CD163: variants seen among roughly 807,000 people sequenced by gnomAD.
The protein encoded by CD163 is CD163 molecule.
CD163 carries 64 observed loss-of-function variants against 129.2 expected under a neutral mutation model. That is an observed-to-expected ratio of 0.50 (90% CI 0.41 to 0.61). The LOEUF (loss-of-function observed/expected upper bound fraction) is 0.61. CD163 is among the 20% of genes least tolerant of loss of function. The pLI is 0.00. For synonymous variants in CD163, 446 were observed against 478.5 expected (o/e 0.93, Z 0.89); for missense variants, 1,061 against 1,377.9 (o/e 0.77, Z 3.64).
intron 5 of CD163, 145 bp from the exon 6 acceptor site, chr12:7,495,546 T>C (rs1949389123): frequency 1.4e-6 from 1 of 719,592 alleles, no homozygotes; most frequent in East Asian, 2.7e-5. Flanking sequence ...AACAATAATA[T>C]AGACCATAAA....
Position 7,501,150 on chromosome 12 carries a change from A to C in CD163, c.446T>G (p.Val149Gly). ...AATGCAAGTCTTACCTGAGCAGGTC[A>C]CTCCAGCATCTTGTTGGTGAGTACA... is the stretch of plus-strand genomic sequence containing the variant. Reference protein sequence around the residue: ...SNCTHQQDAGVTCSDGSNLEM... With the variant: ...SNCTHQQDAGGTCSDGSNLEM... The change falls in exon 3 of 17, where the codon GTG becomes GGG. Residue 149 changes from valine (V) to glycine (G), a missense_variant. Val to Gly is a moderately radical substitution (Grantham distance 109, BLOSUM62 -3). Coordinates refer to ENST00000432237, the MANE Select transcript of CD163 (RefSeq NM_203416.4). The C allele has an allele frequency of 6.2e-7, 1 of 1,614,010 alleles. No individual in the cohort carries two copies. Among genetic ancestry groups the C allele is most frequent in the Non-Finnish European group, 8.5e-7 (1 of 1,179,924 alleles).
intron 4 of CD163, 21 bp from the exon 5 acceptor site, chr12:7,497,154 A>T: frequency 6.3e-7 from 1 of 1,593,890 alleles, no homozygotes; most frequent in Admixed American, 1.8e-5. Context: ...GACACACAAC[A>T]GGTCTGCGAT....
At chr12:7,494,113 A>G (rs1949365363) in intron 6 of CD163, among the ~76,000 whole-genome samples, 1 of 152,232 alleles carries the variant, frequency 6.6e-6, no homozygotes, top group African/African-American at 2.4e-5. Context: ...TTGTATTTAC[A>G]TGAAATATCT....
chr12:7,490,364 G>C (rs1949311329), intron 6 of CD163, among the ~76,000 whole-genome samples: 1 of 151,838 alleles, frequency 6.6e-6, no homozygotes, highest in Admixed American at 6.6e-5. Context: ...AATAATAAAT[G>C]GAATTTATAT....
At chr12:7,499,265 C>T (rs1949445692) in intron 3 of CD163, 77 bp from the exon 4 acceptor site, 2 of 1,276,054 alleles carry the variant, frequency 1.6e-6, no homozygotes, top group African/African-American at 1.5e-5. Flanking sequence ...TTCCTCTGGA[C>T]ACTTGGGATT....
chr12:7,480,765 A>T, intron 15 of CD163: 1 of 572,094 alleles, frequency 1.7e-6, no homozygotes, highest in Non-Finnish European at 2.2e-6. Flanking sequence ...TAAGCTTTTT[A>T]CTATCTATAT....
At chr12:7,479,528 A>G (rs1949132763) in intron 16 of CD163, among the ~76,000 whole-genome samples, 2 of 152,264 alleles carry the variant, frequency 1.3e-5, no homozygotes, top group South Asian at 4.1e-4. Context: ...CATAGCATGT[A>G]TTATACGATG....
chr12:7,495,465 T>C, intron 5 of CD163, 64 bp from the exon 6 acceptor site: 1 of 1,456,584 alleles, frequency 6.9e-7, no homozygotes, highest in Non-Finnish European at 9.4e-7. Flanking sequence ...GAGGATTTTT[T>C]TTTGTCTTTT....
intron 16 of CD163, among the ~76,000 whole-genome samples, chr12:7,475,097 C>CAAAAAAAAAAAAAAAAAAAAAAAAAA (rs58901449): frequency 4.3e-5 from 4 of 94,018 alleles, no homozygotes; most frequent in African/African-American, 1.8e-4. Flanking sequence ...GCCTACCAAC[C>CAAAAAAAAAAAAAAAAAAAAAAAAAA]AAAAAAAAAA....
At chr12:7,488,206 T>C (rs1949283265) in intron 6 of CD163, 119 bp from the exon 7 acceptor site, 4 of 1,075,476 alleles carry the variant, frequency 3.7e-6, no homozygotes, top group African/African-American at 3.2e-5. Context: ...AGTGATTTCC[T>C]ACACTTGTTT....
In CD163 at chr12:7,486,815, T is replaced by C; in HGVS notation, c.2144-2A>G. 6.2e-7 allele frequency: 1 copy of C among 1,607,886 alleles called. No individual in the cohort carries two copies. ...TTACCAGGCGAAGTTGACCACTCTC[T>C]GCAAAGAGAAATGAAACTATTAATA... is the stretch of plus-strand genomic sequence containing the variant. On this transcript the variant is annotated splice_acceptor_variant, in intron 9 of 16. Transcript: ENST00000432237. LOFTEE classifies it high-confidence loss of function.
intron 6 of CD163, 21 bp downstream of exon 6, chr12:7,495,059 AC>A: frequency 6.3e-7 from 1 of 1,595,932 alleles, no homozygotes; most frequent in Non-Finnish European, 8.6e-7. Context: ...CTTCTTCTTA[AC>A]AAGTTGATTG....
chr12:7,478,588 C>T (rs762529708), intron 16 of CD163, among the ~76,000 whole-genome samples: 2 of 152,168 alleles, frequency 1.3e-5, no homozygotes, highest in East Asian at 3.9e-4. Context: ...GTGCTCTGTA[C>T]AGTTTCTAAG....
chr12:7,477,978 T>C (rs1448216393), intron 16 of CD163, among the ~76,000 whole-genome samples: 1 of 152,182 alleles, frequency 6.6e-6, no homozygotes, highest in East Asian at 1.9e-4. Context: ...CATAATTTTA[T>C]AGATGTAAGC....
At chr12:7,490,308 A>C (rs1257689754) in intron 6 of CD163, among the ~76,000 whole-genome samples, 1 of 152,014 alleles carries the variant, frequency 6.6e-6, no homozygotes, top group African/African-American at 2.4e-5. Flanking sequence ...ATTATAAGTA[A>C]CTTACTGTAG....
At chr12:7,473,298 T>C (rs1384012618) in intron 16 of CD163, 3 of 152,006 alleles carry the variant, frequency 2.0e-5, no homozygotes, top group Non-Finnish European at 4.4e-5. Flanking sequence ...CTGAAATGAA[T>C]GAAAAAATGT....
chr12:7,495,066 G>A lies in CD163; in HGVS notation c.1420+15C>T, dbSNP rs1350978268. 4 of 1,603,594 alleles carry A rather than the reference G, an allele frequency of 2.5e-6. No individual in the cohort carries two copies. The Admixed American group carries it at 5.0e-5, about 20-fold the overall frequency. Reference sequence around the variant, plus strand: ...TTTACACCCTTCTTCTTAACAAGTTGATTGAAAGTCATACCTGAGCAGGTA... The same window carrying A: ...TTTACACCCTTCTTCTTAACAAGTTAATTGAAAGTCATACCTGAGCAGGTA... On this transcript the variant is annotated intron_variant, in intron 6 of 16. Coordinates refer to ENST00000432237, the MANE Select transcript of CD163 (RefSeq NM_203416.4).
At chr12:7,479,967 C>T in intron 15 of CD163, 54 bp from the exon 16 acceptor site, 1 of 1,611,408 alleles carries the variant, frequency 6.2e-7, no homozygotes, top group Non-Finnish European at 8.5e-7. Context: ...AGTTCAGCAG[C>T]ACTGAAATCA....
At chr12:7,480,992 T>G (rs190805967) in intron 15 of CD163, 169 bp downstream of exon 15, 2 of 1,336,348 alleles carry the variant, frequency 1.5e-6, no homozygotes, top group Admixed American at 6.2e-5. Flanking sequence ...ATTGCAATTT[T>G]GATATTCTCC....
Sources: gnomAD v4.1 joint callset for allele counts (sites outside exome capture counted in the v4.1 genomes callset) on GRCh38, gnomAD v4.1.1 for gene constraint, MANE v1.5 for transcripts, NCBI Gene and HGNC (gene_info 2026-07-23, HGNC 2026-07-21) for gene names.